The following TLL1 variants were observed in gnomAD, a reference collection of about 807,000 sequenced individuals.
The protein encoded by TLL1 is tolloid like 1.
TLL1 carries 49 observed loss-of-function variants against 128.2 expected under a neutral mutation model. The ratio of observed to expected loss-of-function variants is 0.38; its 90% CI spans 0.30 to 0.48. The LOEUF (loss-of-function observed/expected upper bound fraction) is 0.48. Ranked by LOEUF, TLL1 falls within the 20% of genes least tolerant of loss-of-function variation. TLL1 has a pLI of 0.96. For synonymous variants in TLL1, 454 were observed against 418.8 expected (o/e 1.08, Z -1.03); for missense variants, 1,123 against 1,242.0 (o/e 0.90, Z 1.44).
At chr4:165,946,912 T>C (rs994489923) in intron 1 of TLL1, among the ~76,000 whole-genome samples, 1 of 152,072 alleles carries the variant, frequency 6.6e-6, no homozygotes, top group Non-Finnish European at 1.5e-5. Flanking sequence ...ACAATTGCTA[T>C]ATGATGAAGA....
At chr4:165,978,415 C>T (rs10031114) in intron 1 of TLL1, among the ~76,000 whole-genome samples, 1 of 151,846 alleles carries the variant, frequency 6.6e-6, no homozygotes, top group African/African-American at 2.4e-5. Context: ...TCAGAATCAG[C>T]CTTCTTCAAA....
chr4:166,051,497 T>G (rs1194669661), intron 12 of TLL1, among the ~76,000 whole-genome samples: 1 of 152,172 alleles, frequency 6.6e-6, no homozygotes, highest in African/African-American at 2.4e-5. Flanking sequence ...TTCCATATAT[T>G]AATTGATGAA....
chr4:166,031,136 A>G (rs1738747366), intron 9 of TLL1, among the ~76,000 whole-genome samples: 1 of 152,118 alleles, frequency 6.6e-6, no homozygotes, highest in Non-Finnish European at 1.5e-5. Flanking sequence ...AAATTCTTGG[A>G]TACCTCTCAT....
intron 1 of TLL1, among the ~76,000 whole-genome samples, chr4:165,882,439 G>A (rs1245226720): frequency 6.6e-6 from 1 of 151,860 alleles, no homozygotes. Flanking sequence ...CTAAGACCTA[G>A]TGGAAAATTT....
chr4:165,901,001 G>A (rs1436599528), intron 1 of TLL1, among the ~76,000 whole-genome samples: 1 of 135,988 alleles, frequency 7.4e-6, no homozygotes, highest in East Asian at 2.8e-4. Context: ...TTCAACCTCT[G>A]ATATTTTTTC....
At chr4:165,982,061 A>G (rs1736172001) in intron 1 of TLL1, among the ~76,000 whole-genome samples, 1 of 152,030 alleles carries the variant, frequency 6.6e-6, no homozygotes, top group African/African-American at 2.4e-5. Context: ...AGACTCTGCT[A>G]TATTAAGCAA....
At chr4:165,897,040 A>G (rs1731714175) in intron 1 of TLL1, among the ~76,000 whole-genome samples, 1 of 152,150 alleles carries the variant, frequency 6.6e-6, no homozygotes. Flanking sequence ...TTGGCCACAT[A>G]AATGTCTTCT....
chr4:165,979,190 G>A (rs1452201213), intron 1 of TLL1, among the ~76,000 whole-genome samples: 1 of 151,962 alleles, frequency 6.6e-6, no homozygotes, highest in African/African-American at 2.4e-5. Context: ...GACTACCTAG[G>A]TATATATCCT....
intron 1 of TLL1, chr4:165,919,878 C>T (rs1186067200): frequency 2.2e-6 from 1 of 454,732 alleles, no homozygotes; most frequent in Non-Finnish European, 4.4e-6. Context: ...CCTGGGCTGC[C>T]CGAGCCCTTG....
chr4:165,920,312 G>A (rs570380552), intron 1 of TLL1, among the ~76,000 whole-genome samples: 1 of 152,276 alleles, frequency 6.6e-6, no homozygotes, highest in East Asian at 1.9e-4. Flanking sequence ...GCATATGTGG[G>A]CAAAGGTGAA....
chr4:166,012,747 T>C (rs1461590573), intron 7 of TLL1, among the ~76,000 whole-genome samples: 1 of 151,760 alleles, frequency 6.6e-6, no homozygotes, highest in African/African-American at 2.4e-5. Flanking sequence ...TCACTTTTGA[T>C]GGTCAATTCC....
intron 1 of TLL1, among the ~76,000 whole-genome samples, chr4:165,929,588 T>C (rs1335587191): frequency 6.6e-6 from 1 of 151,512 alleles, no homozygotes; most frequent in Non-Finnish European, 1.5e-5. Context: ...CCTCAGCAAA[T>C]CTGACTTTTC....
At chr4:166,019,734 G>A (rs943144052) in intron 8 of TLL1, among the ~76,000 whole-genome samples, 1 of 152,076 alleles carries the variant, frequency 6.6e-6, no homozygotes, top group Non-Finnish European at 1.5e-5. Context: ...ATTTTTTAAT[G>A]TATCAGAAGA....
At chr4:165,973,424 G>C in intron 1 of TLL1, among the ~76,000 whole-genome samples, 1 of 151,934 alleles carries the variant, frequency 6.6e-6, no homozygotes, top group South Asian at 2.1e-4. Flanking sequence ...CTTTGGAATC[G>C]AGTCCTTGAG....
At position 166,055,088 on chromosome 4, in the gene TLL1, G is replaced by T; in HGVS notation, c.1537G>T (p.Asp513Tyr). The change falls in exon 13 of 21, where the codon GAC (aspartate) becomes TAC (tyrosine). Residue 513 changes from aspartate to tyrosine, a missense_variant. Asp to Tyr is a radical substitution (Grantham distance 160). Transcript: ENST00000061240. ...TFQSFEIERH[D>Y]NCAYDYLEVR... is the part of the protein sequence containing the mutation. ...TTTTCTGTTGCAGATTGAAAGACAT[G>T]ACAATTGTGCTTATGACTACCTGGA... The T allele has an allele frequency of 1.2e-6, 2 of 1,609,990 alleles. No homozygotes were observed. Among genetic ancestry groups the T allele is most frequent in the South Asian group, 2.2e-5 (2 of 89,950 alleles).
chr4:165,998,429 T>C (rs530128094), intron 5 of TLL1, among the ~76,000 whole-genome samples: 67 of 152,328 alleles, frequency 4.4e-4, no homozygotes, highest in African/African-American at 1.5e-3. Context: ...TTAACCTGTT[T>C]CACTAATCTT....
At chr4:166,039,508 TTC>T in intron 10 of TLL1, 67 bp downstream of exon 10, 1 of 1,120,772 alleles carries the variant, frequency 8.9e-7, no homozygotes, top group Non-Finnish European at 1.4e-6. Context: ...AACCAACCGA[TTC>T]TCTCAAGAGT....
At chr4:165,912,813 T>C (rs1732598489) in intron 1 of TLL1, among the ~76,000 whole-genome samples, 1 of 152,180 alleles carries the variant, frequency 6.6e-6, no homozygotes, top group South Asian at 2.1e-4. Flanking sequence ...TGTTTATACT[T>C]ACTGTTGTGT....
At chr4:166,043,178 C>A (rs758464824) in intron 11 of TLL1, 96 bp from the exon 12 acceptor site, 3 of 1,528,646 alleles carry the variant, frequency 2.0e-6, no homozygotes, top group Non-Finnish European at 2.7e-6. Flanking sequence ...ATGTACTGAG[C>A]TACAGGAGCT....
Sources: allele counts gnomAD v4.1 joint callset (sites outside exome capture counted in the v4.1 genomes callset), GRCh38; gene constraint gnomAD v4.1.1; transcripts MANE v1.5; gene names NCBI Gene and HGNC (gene_info 2026-07-23, HGNC 2026-07-21).